KIAA1217: variants seen among roughly 807,000 people sequenced by gnomAD.
The protein encoded by KIAA1217 is sickle tail protein homolog.
KIAA1217 carries 88 observed loss-of-function variants against 163.9 expected under a neutral mutation model. The ratio of observed to expected loss-of-function variants is 0.54; its 90% CI spans 0.45 to 0.64. KIAA1217 has a LOEUF of 0.64. Among genes scored for constraint, KIAA1217 ranks in the 30% least tolerant of loss-of-function variants. KIAA1217 has a pLI of 0.00. For missense variants in KIAA1217, 2,372 were observed against 2,475.0 expected (o/e 0.96, Z 0.88); for synonymous variants, 903 against 923.1 (o/e 0.98, Z 0.39).
At chr10:23,731,059 T>C (rs1047600496) in intron 1 of KIAA1217, among the ~76,000 whole-genome samples, 15 of 152,234 alleles carry the variant, frequency 9.9e-5, no homozygotes, top group African/African-American at 3.6e-4. Flanking sequence ...GGAACATGTC[T>C]TTTATTTCAC....
intron 2 of KIAA1217, among the ~76,000 whole-genome samples, chr10:24,362,974 T>G (rs2134274033): frequency 6.6e-6 from 1 of 152,184 alleles, no homozygotes; most frequent in South Asian, 2.1e-4. Flanking sequence ...AATCTTTAAT[T>G]TGTGAACAAA....
intron 1 of KIAA1217, among the ~76,000 whole-genome samples, chr10:23,916,026 A>C (rs1405917792): frequency 1.3e-5 from 2 of 152,204 alleles, no homozygotes; most frequent in East Asian, 3.8e-4. Flanking sequence ...ATGGGCTTTT[A>C]GGTACTTTCT....
chr10:23,951,627 TGCAAGCAAGCAA>T (rs34524670), intron 1 of KIAA1217, among the ~76,000 whole-genome samples: 7 of 151,306 alleles, frequency 4.6e-5, no homozygotes, highest in Non-Finnish European at 7.4e-5. Context: ...CACTCCAGCC[TGCAAGCAAGCAA>T]GCAAGCAAGC....
At chr10:23,909,427 C>T (rs567768526) in intron 1 of KIAA1217, among the ~76,000 whole-genome samples, 2 of 152,092 alleles carry the variant, frequency 1.3e-5, no homozygotes, top group East Asian at 3.9e-4. Flanking sequence ...TGCTGACTAT[C>T]TTGGTGACGA....
rs770439512 is a variant in KIAA1217, at chr10:24,520,146, A to C, written c.2201A>C (p.Asp734Ala). The change falls in exon 11 of 21, where the codon GAC (aspartate) becomes GCC (alanine). Residue 734 changes from aspartate to alanine, a missense_variant. This residue lies in a region of KIAA1217 where 1,431 missense variants were observed against 1,470.3 expected (regional missense o/e 0.97). Coordinates refer to ENST00000376454, the MANE Select transcript of KIAA1217 (RefSeq NM_019590.5). ...KLCELEDFVEDLKKDSTAASR... is the reference protein window; with the variant it reads ...KLCELEDFVEALKKDSTAASR... ...AGCGAGTTGGAAGACTTTGTTGAAG[A>C]CTTGAAGAAGGACTCCACGGCAGCC... 3 of 1,613,910 alleles carry C rather than the reference A, an allele frequency of 1.9e-6. No homozygotes were observed. The highest frequency in any genetic ancestry group is 2.5e-6 in the Non-Finnish European group (3 of 1,179,974).
At chr10:24,038,183 G>C (rs1368442525) in intron 2 of KIAA1217, among the ~76,000 whole-genome samples, 1 of 152,140 alleles carries the variant, frequency 6.6e-6, no homozygotes, top group African/African-American at 2.4e-5. Context: ...CCATGGCCCT[G>C]TGTTCAGCCT....
intron 1 of KIAA1217, among the ~76,000 whole-genome samples, chr10:23,970,078 C>A (rs908982515): frequency 2.0e-5 from 3 of 152,194 alleles, no homozygotes; most frequent in South Asian, 4.1e-4. Context: ...CTCTCCCACA[C>A]CACATGGGAA....
At chr10:24,199,984 A>G (rs2130516918) in intron 2 of KIAA1217, among the ~76,000 whole-genome samples, 1 of 152,004 alleles carries the variant, frequency 6.6e-6, no homozygotes. Context: ...TTTAGGATAC[A>G]GCAGTAGTGG....
At chr10:23,766,473 A>G (rs34865915) in intron 1 of KIAA1217, among the ~76,000 whole-genome samples, 1,568 of 152,116 alleles carry the variant, frequency 0.01, 17 homozygotes, top group Non-Finnish European at 0.016. Context: ...TACAAATGTC[A>G]TTTGACTCTG....
intron 12 of KIAA1217, among the ~76,000 whole-genome samples, chr10:24,522,380 A>G (rs1467550659): frequency 1.3e-5 from 2 of 152,154 alleles, no homozygotes; most frequent in Non-Finnish European, 2.9e-5. Context: ...AAGTTGAAAA[A>G]TTGATTGAAA....
chr10:24,528,095 C>T lies in KIAA1217; in HGVS notation c.3058C>T (p.Pro1020Ser). 6.2e-7 allele frequency: 1 copy of T among 1,613,976 alleles called. No individual in the cohort carries two copies. Among genetic ancestry groups the T allele is most frequent in the Non-Finnish European group, 8.5e-7 (1 of 1,179,944 alleles). ...ATGPLPRGDA[P>S]VDKVELSEDS... is the part of the protein sequence containing the mutation. Reference sequence around the variant, plus strand: ...AGGCCCACTGCCAAGGGGAGATGCCCCAGTGGACAAGGTGGAACTTTCAGG... The same window carrying T: ...AGGCCCACTGCCAAGGGGAGATGCCTCAGTGGACAAGGTGGAACTTTCAGG... The change falls in exon 14 of 21, where the codon CCA becomes TCA. Residue 1020 changes from proline (P) to serine (S), a missense_variant. Physicochemically the swap from Pro to Ser is moderately conservative, Grantham distance 74 (BLOSUM62 -1). Around this residue, in one of 3 missense-constraint regions of KIAA1217, gnomAD observed 1,431 missense variants for 1,470.3 expected, o/e 0.97. Coordinates refer to ENST00000376454, the MANE Select transcript of KIAA1217 (RefSeq NM_019590.5).
chr10:24,388,335 C>T (rs1458806717), intron 3 of KIAA1217, among the ~76,000 whole-genome samples: 2 of 152,128 alleles, frequency 1.3e-5, no homozygotes, highest in East Asian at 1.9e-4. Flanking sequence ...ATAAATGGTG[C>T]CGGGAAAACT....
chr10:23,696,853 T>C (rs976584181), intron 1 of KIAA1217, among the ~76,000 whole-genome samples: 1 of 152,208 alleles, frequency 6.6e-6, no homozygotes, highest in African/African-American at 2.4e-5. Context: ...ACATAGTAGG[T>C]CATCAGCAAG....
chr10:24,319,791 A>C (rs1255959237), intron 2 of KIAA1217, among the ~76,000 whole-genome samples: 1 of 152,228 alleles, frequency 6.6e-6, no homozygotes, highest in Non-Finnish European at 1.5e-5. Context: ...TGTATTCAGA[A>C]CCATAGTTTT....
chr10:23,774,134 A>G (rs979105844), intron 1 of KIAA1217, among the ~76,000 whole-genome samples: 7 of 152,214 alleles, frequency 4.6e-5, no homozygotes, highest in African/African-American at 1.4e-4. Flanking sequence ...GATATGTCCC[A>G]TCAATACCTA....
chr10:23,994,144 C>T (rs1046893913), intron 1 of KIAA1217, among the ~76,000 whole-genome samples: 2 of 152,174 alleles, frequency 1.3e-5, no homozygotes, highest in African/African-American at 2.4e-5. Flanking sequence ...CTGGTCATGA[C>T]TGTGCTGTGT....
intron 2 of KIAA1217, among the ~76,000 whole-genome samples, chr10:24,061,218 G>C (rs929218879): frequency 2.0e-5 from 3 of 152,022 alleles, no homozygotes; most frequent in Admixed American, 1.3e-4. Flanking sequence ...ATTTAACATT[G>C]TAACAGTCTG....
At chr10:24,226,804 G>A (rs538470810) in intron 2 of KIAA1217, among the ~76,000 whole-genome samples, 6 of 152,144 alleles carry the variant, frequency 3.9e-5, no homozygotes, top group Non-Finnish European at 8.8e-5. Context: ...CTGTAGTCCA[G>A]CAATCCCTCA....
At chr10:24,227,143 G>GATT (rs56348020) in intron 2 of KIAA1217, among the ~76,000 whole-genome samples, 72,947 of 148,626 alleles carry the variant, frequency 0.49, 18,362 homozygotes, top group East Asian at 0.68. Context: ...GATATAAAGG[G>GATT]ATTATTATTA....
Sources: allele counts gnomAD v4.1 joint callset (sites outside exome capture counted in the v4.1 genomes callset), GRCh38; gene constraint gnomAD v4.1.1; regional missense constraint gnomAD v4.1.1; transcripts MANE v1.5; gene names NCBI Gene and HGNC (gene_info 2026-07-23, HGNC 2026-07-21).